RFX2: variants seen among roughly 807,000 people sequenced by gnomAD.
The protein encoded by RFX2 is regulatory factor X2.
RFX2 carries 20 observed loss-of-function variants against 87.8 expected under a neutral mutation model. That is an observed-to-expected ratio of 0.23 (90% CI 0.16 to 0.33). The LOEUF (loss-of-function observed/expected upper bound fraction) is 0.33, where lower values mean the gene tolerates loss of function less well. Among genes scored for constraint, RFX2 ranks in the 10% least tolerant of loss-of-function variants. RFX2 has a pLI of 1.00. For synonymous variants in RFX2, 397 were observed against 431.3 expected (o/e 0.92, Z 0.98); for missense variants, 767 against 1,012.3 (o/e 0.76, Z 3.29).
chr19:5,998,528 C>T lies in RFX2; in HGVS notation c.1860-1315G>A, dbSNP rs1360409796. On this transcript the variant is annotated intron_variant, in intron 15 of 17. Transcript: ENST00000303657. The surrounding 1 kb of genome is among the most constrained non-coding windows in gnomAD (Gnocchi z 4.2). ...CTTGAGAAAGGCAAAGACAGCCGCA[C>T]TATGAAGACCACCAAAGCTGTCTAT... Among the ~76,000 whole-genome samples, 1 of 152,240 alleles carries T rather than the reference C, an allele frequency of 6.6e-6. No homozygotes were observed. The highest frequency in any genetic ancestry group is 1.5e-5 in the Non-Finnish European group (1 of 68,044).
chr19:6,036,208 G>A (rs2087020618), intron 5 of RFX2, among the ~76,000 whole-genome samples: 1 of 152,246 alleles, frequency 6.6e-6, no homozygotes, highest in Non-Finnish European at 1.5e-5. Flanking sequence ...GCCAATCCCA[G>A]GCGGGAGAAG....
At position 6,083,150 on chromosome 19, in the gene RFX2, A is replaced by G. The variant is rs553702655; in HGVS notation, c.-9+27243T>C. On this transcript the variant is annotated intron_variant, in intron 1 of 17. Transcript: ENST00000303657. The surrounding 1 kb of genome is among the most constrained non-coding windows in gnomAD (Gnocchi z 4.6). ...TTGAACTCCTGGCCTCAAGTGATCCACCCGCCTTGGCTTCCTAGAGTGCTA... is the reference window on the plus strand; with the variant it reads ...TTGAACTCCTGGCCTCAAGTGATCCGCCCGCCTTGGCTTCCTAGAGTGCTA... 2.6e-5 allele frequency among the ~76,000 whole-genome samples: 4 copies of G among 151,888 alleles called. No individual in the cohort carries two copies. Among genetic ancestry groups the G allele is most frequent in the African/African-American group, 4.8e-5 (2 of 41,328 alleles).
chr19:6,025,983 C>A (rs1269998147), intron 6 of RFX2, among the ~76,000 whole-genome samples, 180 bp downstream of exon 6: 1 of 151,920 alleles, frequency 6.6e-6, no homozygotes, highest in Non-Finnish European at 1.5e-5. Flanking sequence ...CGGGGTTTCA[C>A]CATGTTGGCC....
intron 1 of RFX2, among the ~76,000 whole-genome samples, chr19:6,070,069 GGATGT>G (rs2087575800): frequency 7.1e-4 from 3 of 4,228 alleles, no homozygotes; most frequent in African/African-American, 1.9e-3. Context: ...GGATGGGATG[GGATGT>G]GGATGGGATG....
intron 9 of RFX2, among the ~76,000 whole-genome samples, 198 bp downstream of exon 9, chr19:6,009,938 G>T (rs941679609): frequency 2.6e-5 from 4 of 152,082 alleles, no homozygotes; most frequent in African/African-American, 9.7e-5. Context: ...AATTTTTTTG[G>T]CATGTGCTGA....
chr19:6,107,355 G>A lies in RFX2; in HGVS notation c.-9+3038C>T, dbSNP rs141694835. Among the ~76,000 whole-genome samples the A allele has an allele frequency of 3.8e-3, 576 of 150,794 alleles. 3 individuals carry two copies. Among genetic ancestry groups the A allele is most frequent in the African/African-American group, 0.013 (544 of 41,014 alleles). On this transcript the variant is annotated intron_variant, in intron 1 of 17. Transcript: ENST00000303657. Reference sequence around the variant, plus strand: ...GCAGGGGCCGGGTTTGGTGGCTTACGCCTGTAATCCCAGCACTTTGGGAGG... The same window carrying A: ...GCAGGGGCCGGGTTTGGTGGCTTACACCTGTAATCCCAGCACTTTGGGAGG...
At position 6,020,898 on chromosome 19, in the gene RFX2, T is replaced by C. The variant is rs1025554663; in HGVS notation, c.598-4627A>G. 6.6e-6 allele frequency among the ~76,000 whole-genome samples: 1 copy of C among 152,196 alleles called. No homozygotes were observed. The highest frequency in any genetic ancestry group is 1.5e-5 in the Non-Finnish European group (1 of 68,044). ...TCTGTCAGGACAGCACACTTCTTGA[T>C]GAAATGGATCAAATCATTCCTTTTA... On this transcript the variant is annotated intron_variant, in intron 6 of 17. Coordinates refer to ENST00000303657, the MANE Select transcript of RFX2 (RefSeq NM_000635.4). The surrounding 1 kb of genome is among the most constrained non-coding windows in gnomAD (Gnocchi z 5.3).
intron 6 of RFX2, among the ~76,000 whole-genome samples, chr19:6,025,180 A>C (rs574804207): frequency 6.6e-6 from 1 of 152,144 alleles, no homozygotes; most frequent in Non-Finnish European, 1.5e-5. Flanking sequence ...AGTGAAAGCG[A>C]TGAGTCTGAG....
chr19:6,106,506 T>A (rs929452008), intron 1 of RFX2, among the ~76,000 whole-genome samples: 2 of 152,214 alleles, frequency 1.3e-5, no homozygotes, highest in East Asian at 3.8e-4. Context: ...CTGGCCTGAA[T>A]TGACATGAAG....
intron 1 of RFX2, among the ~76,000 whole-genome samples, chr19:6,051,082 T>C (rs1377387653): frequency 6.6e-6 from 1 of 152,138 alleles, no homozygotes; most frequent in Non-Finnish European, 1.5e-5. Flanking sequence ...AATAAAGACA[T>C]TTTTTGCATA....
rs557276800 is a variant in RFX2, at chr19:6,004,719, A to G, written c.1403-421T>C. The stretch of plus-strand genomic sequence containing the variant: ...GGGAAAGAGGCCTTGACACAAACAC[A>G]CACACACACGTAAATACATTCTACC... On this transcript the variant is annotated intron_variant, in intron 12 of 17. Transcript: ENST00000303657. The surrounding 1 kb of genome is among the most constrained non-coding windows in gnomAD (Gnocchi z 4.8). Among the ~76,000 whole-genome samples, 5 of 152,152 alleles carry G rather than the reference A, an allele frequency of 3.3e-5. No homozygotes were observed. In the South Asian group the frequency reaches 1.0e-3, roughly 32 times the overall value.
rs1188839688 is a variant in RFX2 at position 6,044,874 on chromosome 19, G to A, written c.91-592C>T. The stretch of plus-strand genomic sequence containing the variant: ...CAGGTGCCCTGTGTCTGGGTCCCTC[G>A]CTCTCTGACCCCACTGCTCTCCAGC... On this transcript the variant is annotated intron_variant, in intron 2 of 17. Transcript: ENST00000303657. This position sits in a 1 kb window ranked among gnomAD's most constrained non-coding sequence, Gnocchi z 5.3. Among the ~76,000 whole-genome samples the A allele has an allele frequency of 1.3e-5, 2 of 152,284 alleles. No individual in the cohort carries two copies. Among genetic ancestry groups the A allele is most frequent in the East Asian group, 3.9e-4 (2 of 5,180 alleles).
chr19:6,104,529 A>G (rs1485001136), intron 1 of RFX2, among the ~76,000 whole-genome samples: 2 of 150,988 alleles, frequency 1.3e-5, no homozygotes, highest in African/African-American at 4.9e-5. Flanking sequence ...AGATGGTGCC[A>G]CTGCACTCCA....
At chr19:6,066,079 C>G (rs2087506183) in intron 1 of RFX2, among the ~76,000 whole-genome samples, 2 of 152,272 alleles carry the variant, frequency 1.3e-5, no homozygotes, top group Middle Eastern at 3.4e-3. Flanking sequence ...GCAACAAACC[C>G]TTGTCAACAA....
chr19:6,075,742 A>C (rs1357690147), intron 1 of RFX2, among the ~76,000 whole-genome samples: 1 of 152,188 alleles, frequency 6.6e-6, no homozygotes, highest in East Asian at 1.9e-4. Flanking sequence ...TGACACCCAC[A>C]TGCAGCTGCC....
chr19:6,063,339 C>A lies in RFX2; in HGVS notation c.-8-15835G>T, dbSNP rs992767719. Among the ~76,000 whole-genome samples the A allele has an allele frequency of 6.6e-6, 1 of 152,210 alleles. No individual in the cohort carries two copies. The highest frequency in any genetic ancestry group is 1.9e-4 in the East Asian group (1 of 5,202). On this transcript the variant is annotated intron_variant, in intron 1 of 17. Transcript: ENST00000303657. This position sits in a 1 kb window ranked among gnomAD's most constrained non-coding sequence, Gnocchi z 4.0. ...CCTGCAAGTCTAAGGTCTGCAGAAT[C>A]GAGGGAGGCCAGCATGGCACACAGC...
At position 6,074,828 on chromosome 19, in the gene RFX2, T is replaced by C. The variant is rs2087665938; in HGVS notation, c.-8-27324A>G. On this transcript the variant is annotated intron_variant, in intron 1 of 17. Coordinates refer to ENST00000303657, the MANE Select transcript of RFX2 (RefSeq NM_000635.4). The surrounding 1 kb of genome is among the most constrained non-coding windows in gnomAD (Gnocchi z 5.2). ...CGGCAAGGCTGAGGCACACGGGACA[T>C]GTGGGGTCACACGGGTCACGTGAGG... 6.6e-6 allele frequency among the ~76,000 whole-genome samples: 1 copy of C among 152,140 alleles called. No individual in the cohort carries two copies. The highest frequency in any genetic ancestry group is 2.1e-4 in the South Asian group (1 of 4,822).
Position 5,994,895 on chromosome 19 carries a change from C to T in RFX2, c.2112G>A (p.Leu704=). The T allele has an allele frequency of 6.2e-7, 1 of 1,610,446 alleles. No homozygotes were observed. The highest frequency in any genetic ancestry group is 8.5e-7 in the Non-Finnish European group (1 of 1,179,920). Residue 704 remains leucine (L), a synonymous_variant, in exon 18 of 18, where the codon CTG becomes CTA. Coordinates refer to ENST00000303657, the MANE Select transcript of RFX2 (RefSeq NM_000635.4). The part of the protein sequence containing the change: ...GSEAGPDARS[L]GEPLVKRERS... Reference sequence around the variant, plus strand: ...GCTCCCGCTTTACCAGGGGCTCACCCAGGCTGCGGGCGTCTGGGCCCGCCT... The same window carrying T: ...GCTCCCGCTTTACCAGGGGCTCACCTAGGCTGCGGGCGTCTGGGCCCGCCT...
chr19:6,088,211 CTTT>C (rs1030226963), intron 1 of RFX2, among the ~76,000 whole-genome samples: 8 of 84,408 alleles, frequency 9.5e-5, no homozygotes, highest in South Asian at 4.7e-4. Context: ...GGCACTACAG[CTTT>C]TTTTTTTTTT....
Sources: gnomAD v4.1 joint callset for allele counts (sites outside exome capture counted in the v4.1 genomes callset) on GRCh38, gnomAD v4.1.1 for gene constraint, Gnocchi (gnomAD v3.1) non-coding constraint, MANE v1.5 for transcripts, NCBI Gene and HGNC (gene_info 2026-07-23, HGNC 2026-07-21) for gene names.